The following FSIP1 variants were observed in gnomAD, a reference collection of about 807,000 sequenced individuals.
The protein encoded by FSIP1 is fibrous sheath-interacting protein 1.
In FSIP1, 65 loss-of-function variants were observed where a neutral mutation model predicts 60.9. The observed-to-expected ratio is 1.07, with a 90% CI of 0.87 to 1.31. FSIP1 has a LOEUF of 1.31. Among genes scored for constraint, FSIP1 ranks in the 40% most tolerant of loss-of-function variants. The probability of loss-of-function intolerance (pLI) is 0.00; values close to 1 mark genes in which losing one functional copy is unlikely to be tolerated. For missense variants in FSIP1, 675 were observed against 665.5 expected, an observed-to-expected ratio of 1.01 and a Z score of -0.16; for synonymous variants, 209 against 221.2, an observed-to-expected ratio of 0.94 and a Z score of 0.49.
chr15:39,668,148 G>T (rs949564576), intron 10 of FSIP1, among the ~76,000 whole-genome samples: 2 of 148,764 alleles, frequency 1.3e-5, no homozygotes, highest in South Asian at 2.2e-4. Context: ...CGTTTTTAAT[G>T]ATCTCAGATA....
At chr15:39,612,619 G>A (rs995948504) in intron 11 of FSIP1, among the ~76,000 whole-genome samples, 1 of 151,998 alleles carries the variant, frequency 6.6e-6, no homozygotes, top group African/African-American at 2.4e-5. Context: ...AAAGTTAGCA[G>A]AAGAAAGAAA....
Position 39,713,545 on chromosome 15 carries a change from T to A in FSIP1, c.1087A>T (p.Thr363Ser). 1 of 1,605,424 alleles carries A rather than the reference T, an allele frequency of 6.2e-7. No homozygotes were observed. Among genetic ancestry groups the A allele is most frequent in the Non-Finnish European group, 8.5e-7 (1 of 1,176,432 alleles). Residue 363 changes from threonine (T) to serine (S), a missense_variant, in exon 10 of 12, where the codon ACT (threonine) becomes TCT (serine). Thr to Ser is a moderately conservative substitution (Grantham distance 58). Coordinates refer to ENST00000350221, the MANE Select transcript of FSIP1 (RefSeq NM_152597.5). ...DRDGERNMEV[T>S]PGEKILRNTK... ...TTCCTAAGTATCTTTTCTCCTGGAG[T>A]TACTTCCATATTTCTTTCACCATCA...
intron 10 of FSIP1, among the ~76,000 whole-genome samples, chr15:39,706,633 T>A (rs926533420): frequency 4.6e-5 from 7 of 152,218 alleles, no homozygotes; most frequent in African/African-American, 1.7e-4. Flanking sequence ...GTCTGAGATA[T>A]AAACAAAAGC....
At chr15:39,720,269 T>C (rs1895901617) in intron 9 of FSIP1, among the ~76,000 whole-genome samples, 1 of 152,218 alleles carries the variant, frequency 6.6e-6, no homozygotes, top group South Asian at 2.1e-4. Flanking sequence ...TCAGCAATAA[T>C]AGCATGATCT....
chr15:39,640,642 T>C (rs1353690746), intron 10 of FSIP1, among the ~76,000 whole-genome samples: 2 of 149,960 alleles, frequency 1.3e-5, no homozygotes, highest in Non-Finnish European at 2.9e-5. Flanking sequence ...GAGCAATGAA[T>C]AATTCGCGAA....
At chr15:39,756,031 G>T (rs188810372) in intron 5 of FSIP1, among the ~76,000 whole-genome samples, 3 of 152,108 alleles carry the variant, frequency 2.0e-5, no homozygotes, top group African/African-American at 7.2e-5. Flanking sequence ...GGATGGGACA[G>T]ACTTTTAAAA....
intron 10 of FSIP1, among the ~76,000 whole-genome samples, chr15:39,694,243 A>G (rs1894722898): frequency 6.6e-6 from 1 of 152,082 alleles, no homozygotes; most frequent in Non-Finnish European, 1.5e-5. Flanking sequence ...CTTGAAATCT[A>G]ATTGCATTTA....
chr15:39,667,216 GA>G (rs1893530240), intron 10 of FSIP1, among the ~76,000 whole-genome samples: 1 of 152,050 alleles, frequency 6.6e-6, no homozygotes, highest in Non-Finnish European at 1.5e-5. Flanking sequence ...CTTGATTAAA[GA>G]AAATAATTTT....
intron 10 of FSIP1, among the ~76,000 whole-genome samples, chr15:39,658,810 G>A (rs971839504): frequency 1.3e-5 from 2 of 152,058 alleles, no homozygotes; most frequent in African/African-American, 4.8e-5. Flanking sequence ...CCACCCCTAG[G>A]TATACACCCA....
intron 10 of FSIP1, among the ~76,000 whole-genome samples, chr15:39,655,194 T>C (rs541893678): frequency 6.6e-6 from 1 of 152,338 alleles, no homozygotes; most frequent in South Asian, 2.1e-4. Context: ...GAAGGAATAC[T>C]ATATGAAAAG....
chr15:39,758,858 TA>T (rs1897388852), intron 5 of FSIP1, among the ~76,000 whole-genome samples: 1 of 151,780 alleles, frequency 6.6e-6, no homozygotes, highest in African/African-American at 2.4e-5. Context: ...TTTAATGGAA[TA>T]AAATAGAAAA....
Position 39,658,912 on chromosome 15 carries a change from C to T in FSIP1, c.1189-40667G>A, listed in dbSNP as rs147514957. 4.0e-3 allele frequency among the ~76,000 whole-genome samples: 607 copies of T among 152,262 alleles called. 4 individuals carry two copies. Among genetic ancestry groups the T allele is most frequent in the African/African-American group, 0.013 (546 of 41,538 alleles). ...CGCCAAAAAGTGGAAAGAATCCAAA[C>T]GTCCAAGTGACTAATGAGTAAACAA... is the stretch of plus-strand genomic sequence containing the variant. On this transcript the variant is annotated intron_variant, in intron 10 of 11. Coordinates refer to ENST00000350221, the MANE Select transcript of FSIP1 (RefSeq NM_152597.5).
intron 10 of FSIP1, among the ~76,000 whole-genome samples, chr15:39,683,631 G>T (rs931133392): frequency 6.6e-6 from 1 of 152,148 alleles, no homozygotes; most frequent in Non-Finnish European, 1.5e-5. Flanking sequence ...AATAAATTAA[G>T]TTGTTCCTAT....
intron 10 of FSIP1, among the ~76,000 whole-genome samples, chr15:39,644,644 T>C (rs540667532): frequency 3.9e-5 from 6 of 152,072 alleles, no homozygotes; most frequent in South Asian, 2.1e-4. Flanking sequence ...ATCTCCACCA[T>C]GGATGAGGAG....
At chr15:39,771,970 T>C (rs1463429985) in intron 2 of FSIP1, among the ~76,000 whole-genome samples, 1 of 152,174 alleles carries the variant, frequency 6.6e-6, no homozygotes, top group African/African-American at 2.4e-5. Flanking sequence ...GCGGCTGGGT[T>C]TCACATGGGG....
At chr15:39,742,688 T>G (rs577106385) in intron 5 of FSIP1, among the ~76,000 whole-genome samples, 1 of 152,288 alleles carries the variant, frequency 6.6e-6, no homozygotes, top group South Asian at 2.1e-4. Context: ...ACACCCTCTA[T>G]GAGCTGATAC....
At chr15:39,749,327 T>C (rs1467962007) in intron 5 of FSIP1, among the ~76,000 whole-genome samples, 1 of 148,664 alleles carries the variant, frequency 6.7e-6, no homozygotes, top group African/African-American at 2.5e-5. Context: ...CAGTATCACC[T>C]TGATACCTGA....
intron 6 of FSIP1, 35 bp from the exon 7 acceptor site, chr15:39,739,824 T>G: frequency 7.4e-7 from 1 of 1,359,884 alleles, no homozygotes; most frequent in Non-Finnish European, 1.0e-6. Context: ...TTTTCATAAT[T>G]AAAAGTGTCA....
At chr15:39,774,495 A>G (rs1225939467) in intron 2 of FSIP1, among the ~76,000 whole-genome samples, 1 of 151,802 alleles carries the variant, frequency 6.6e-6, no homozygotes, top group East Asian at 1.9e-4. Context: ...AAAAATACAT[A>G]CAGAGGAGCA....
Sources: gnomAD v4.1 joint callset for allele counts (sites outside exome capture counted in the v4.1 genomes callset) on GRCh38, gnomAD v4.1.1 for gene constraint, MANE v1.5 for transcripts, NCBI Gene and HGNC (gene_info 2026-07-23, HGNC 2026-07-21) for gene names.